The following GRID2 variants were observed in gnomAD, a reference collection of about 807,000 sequenced individuals.
GRID2 encodes glutamate ionotropic receptor delta type subunit 2.
In GRID2, 33 loss-of-function variants were observed where a neutral mutation model predicts 114.8. The observed-to-expected ratio is 0.29, with a 90% confidence interval of 0.22 to 0.38. The LOEUF (loss-of-function observed/expected upper bound fraction) is 0.38, where lower values mean the gene tolerates loss of function less well. GRID2 is among the 10% of genes least tolerant of loss of function. GRID2 has a pLI of 1.00. For missense variants in GRID2, 1,184 were observed against 1,257.7 expected (o/e 0.94, Z 0.89); for synonymous variants, 505 against 449.9 (o/e 1.12, Z -1.55).
chr4:93,127,005 T>G (rs1044415493), intron 4 of GRID2, among the ~76,000 whole-genome samples: 3 of 152,214 alleles, frequency 2.0e-5, no homozygotes, highest in Admixed American at 6.5e-5. Context: ...TTAGGTTCTT[T>G]CAGTTGTGTG....
intron 9 of GRID2, among the ~76,000 whole-genome samples, chr4:93,406,435 T>C (rs1766427555): frequency 6.6e-6 from 1 of 152,142 alleles, no homozygotes; most frequent in African/African-American, 2.4e-5. Context: ...TATTATCTCA[T>C]TTTTGAGATA....
intron 8 of GRID2, among the ~76,000 whole-genome samples, chr4:93,269,750 CA>C (rs1751235355): frequency 6.6e-6 from 1 of 152,166 alleles, no homozygotes; most frequent in South Asian, 2.1e-4. Flanking sequence ...GAACTTTAAT[CA>C]AATATCCCTT....
intron 14 of GRID2, among the ~76,000 whole-genome samples, chr4:93,636,578 T>G (rs1721432526): frequency 6.6e-6 from 1 of 152,268 alleles, no homozygotes; most frequent in African/African-American, 2.4e-5. Context: ...GTCAAGACAC[T>G]TTTTACTGTT....
intron 12 of GRID2, 87 bp downstream of exon 12, chr4:93,490,864 C>A: frequency 1.2e-6 from 1 of 864,100 alleles, no homozygotes; most frequent in Non-Finnish European, 1.8e-6. Context: ...TGTGGTGTCT[C>A]ATAATAAATG....
At chr4:92,585,217 G>T (rs1175282774) in intron 1 of GRID2, among the ~76,000 whole-genome samples, 1 of 151,776 alleles carries the variant, frequency 6.6e-6, no homozygotes, top group Non-Finnish European at 1.5e-5. Context: ...AATTTGGGGG[G>T]TAGAGAGAGT....
chr4:92,466,872 A>G (rs1721778773), intron 1 of GRID2, among the ~76,000 whole-genome samples: 1 of 151,622 alleles, frequency 6.6e-6, no homozygotes. Flanking sequence ...TACCACCTTA[A>G]TGGGATGCAT....
chr4:92,344,109 T>C, intron 1 of GRID2, among the ~76,000 whole-genome samples: 1 of 152,268 alleles, frequency 6.6e-6, no homozygotes, highest in Non-Finnish European at 1.5e-5. Flanking sequence ...AAACCTGTGT[T>C]ACTCAAGGGT....
chr4:92,929,438 G>A (rs1204825169), intron 2 of GRID2, among the ~76,000 whole-genome samples: 2 of 151,150 alleles, frequency 1.3e-5, no homozygotes, highest in Non-Finnish European at 3.0e-5. Context: ...TATAACAAGT[G>A]TAAGTAATTT....
At chr4:93,351,987 CT>C (rs1760848526) in intron 8 of GRID2, among the ~76,000 whole-genome samples, 1 of 152,032 alleles carries the variant, frequency 6.6e-6, no homozygotes, top group South Asian at 2.1e-4. Flanking sequence ...CTATGACTCA[CT>C]CTAACTCTCA....
intron 8 of GRID2, among the ~76,000 whole-genome samples, chr4:93,310,953 C>T (rs1456999655): frequency 6.6e-6 from 1 of 152,102 alleles, no homozygotes; most frequent in Non-Finnish European, 1.5e-5. Flanking sequence ...ACTGTGGTCC[C>T]AGTTCTCAGA....
chr4:92,329,110 GTCTAGCTTTCACT>G (rs1726747356), intron 1 of GRID2, among the ~76,000 whole-genome samples: 1 of 151,888 alleles, frequency 6.6e-6, no homozygotes, highest in South Asian at 2.1e-4. Flanking sequence ...TTTTTTCCAT[GTCTAGCTTTCACT>G]ATTCAAGATT....
At chr4:92,352,586 G>C (rs1471707839) in intron 1 of GRID2, among the ~76,000 whole-genome samples, 1 of 151,782 alleles carries the variant, frequency 6.6e-6, no homozygotes, top group African/African-American at 2.4e-5. Context: ...TTTTGTGTTT[G>C]TTGTTTCATT....
At chr4:93,631,591 A>C (rs941798466) in intron 14 of GRID2, among the ~76,000 whole-genome samples, 1 of 152,188 alleles carries the variant, frequency 6.6e-6, no homozygotes, top group African/African-American at 2.4e-5. Flanking sequence ...TGTATGTGCC[A>C]CATTTCCTTA....
intron 1 of GRID2, among the ~76,000 whole-genome samples, chr4:92,555,297 T>A (rs1726797617): frequency 6.6e-6 from 1 of 152,152 alleles, no homozygotes; most frequent in African/African-American, 2.4e-5. Context: ...TATGTAGGGT[T>A]ATAGGAGAAT....
intron 1 of GRID2, among the ~76,000 whole-genome samples, chr4:92,319,748 A>T (rs1726206614): frequency 6.6e-6 from 1 of 152,214 alleles, no homozygotes; most frequent in African/African-American, 2.4e-5. Context: ...TTCAAGGACT[A>T]ATTCAGTGTC....
At chr4:93,460,803 A>G (rs1444097263) in intron 11 of GRID2, among the ~76,000 whole-genome samples, 1 of 152,186 alleles carries the variant, frequency 6.6e-6, no homozygotes, top group African/African-American at 2.4e-5. Flanking sequence ...ATAAAACACT[A>G]AAATTATCCA....
chr4:93,611,922 G>A (rs1305473715), intron 13 of GRID2, among the ~76,000 whole-genome samples: 1 of 149,576 alleles, frequency 6.7e-6, no homozygotes, highest in African/African-American at 2.5e-5. Context: ...GGGTGTTAAA[G>A]TCTCCCATTA....
intron 1 of GRID2, among the ~76,000 whole-genome samples, chr4:92,317,064 T>C (rs2110119186): frequency 6.6e-6 from 1 of 152,310 alleles, no homozygotes; most frequent in African/African-American, 2.4e-5. Context: ...ATGAGATCTT[T>C]TCTAAATTTA....
chr4:92,320,335 T>C (rs1726244067), intron 1 of GRID2, among the ~76,000 whole-genome samples: 1 of 152,220 alleles, frequency 6.6e-6, no homozygotes, highest in Admixed American at 6.5e-5. Context: ...ATTTCCTATT[T>C]AAAATGTGAA....
Sources: gnomAD v4.1 joint callset for allele counts (sites outside exome capture counted in the v4.1 genomes callset) on GRCh38, gnomAD v4.1.1 for gene constraint, MANE v1.5 for transcripts, NCBI Gene and HGNC (gene_info 2026-07-23, HGNC 2026-07-21) for gene names.